The following CDH12 variants were observed in gnomAD, a reference collection of about 807,000 sequenced individuals.
CDH12 encodes cadherin-12.
In CDH12, 41 loss-of-function variants were observed where a neutral mutation model predicts 74.1. The observed-to-expected ratio is 0.55, with a 90% CI of 0.43 to 0.72. The LOEUF (loss-of-function observed/expected upper bound fraction) is 0.72, where lower values mean the gene tolerates loss of function less well. Among genes scored for constraint, CDH12 ranks in the 30% least tolerant of loss-of-function variants. The pLI is 0.00. For synonymous variants in CDH12, 399 were observed against 355.0 expected, an observed-to-expected ratio of 1.12 and a Z score of -1.39; for missense variants, 945 against 977.2, an observed-to-expected ratio of 0.97 and a Z score of 0.44.
chr5:22,398,581 T>G lies in CDH12; in HGVS notation c.-333+6676A>C, dbSNP rs111385583. 3.1e-3 allele frequency among the ~76,000 whole-genome samples: 466 copies of G among 152,254 alleles called. 6 individuals are homozygous for G. The highest frequency in any genetic ancestry group is 0.011 in the African/African-American group (449 of 41,564). ...CGCCCAAGCAATAGACATTGTCAAA[T>G]TATAATGATAGAACACGCATCCTCT... On this transcript the variant is annotated intron_variant, in intron 3 of 14. Coordinates refer to ENST00000382254, the MANE Select transcript of CDH12 (RefSeq NM_004061.5).
intron 3 of CDH12, among the ~76,000 whole-genome samples, chr5:22,321,266 T>C (rs1488453272): frequency 6.6e-6 from 1 of 150,504 alleles, no homozygotes; most frequent in African/African-American, 2.5e-5. Context: ...AATGATAGAC[T>C]GGATTAAGAA....
At chr5:22,384,580 ACCAAAACTAAT>A (rs1441772786) in intron 3 of CDH12, among the ~76,000 whole-genome samples, 18 of 151,676 alleles carry the variant, frequency 1.2e-4, no homozygotes, top group African/African-American at 4.1e-4. Context: ...TTTATCCATT[ACCAAAACTAAT>A]TCAGAAAAAA....
chr5:21,869,760 C>T (rs1255057930), intron 6 of CDH12, among the ~76,000 whole-genome samples: 1 of 151,968 alleles, frequency 6.6e-6, no homozygotes, highest in Non-Finnish European at 1.5e-5. Context: ...TTGCTATTGT[C>T]TTTATTTGGA....
At chr5:22,262,767 T>C (rs1753568175) in intron 3 of CDH12, among the ~76,000 whole-genome samples, 1 of 152,048 alleles carries the variant, frequency 6.6e-6, no homozygotes, top group Non-Finnish European at 1.5e-5. Context: ...CCACGTCCTC[T>C]CCAGCACCTG....
At chr5:22,692,823 TC>T (rs201651864) in intron 1 of CDH12, among the ~76,000 whole-genome samples, 15,527 of 151,928 alleles carry the variant, frequency 0.1, 1,051 homozygotes, top group Admixed American at 0.19. Flanking sequence ...CCTTTTTTTT[TC>T]CTGAATAAAC....
chr5:22,749,371 G>A (rs1354870235), intron 1 of CDH12, among the ~76,000 whole-genome samples: 1 of 152,184 alleles, frequency 6.6e-6, no homozygotes, highest in Non-Finnish European at 1.5e-5. Context: ...CTAAGGTGGG[G>A]CAACATTTTA....
chr5:22,398,491 AG>A (rs1215675926), intron 3 of CDH12, among the ~76,000 whole-genome samples: 2 of 152,142 alleles, frequency 1.3e-5, no homozygotes, highest in African/African-American at 4.8e-5. Flanking sequence ...GGAGATAATA[AG>A]ATGATTGGCA....
intron 6 of CDH12, among the ~76,000 whole-genome samples, chr5:21,941,147 A>G (rs1755312225): frequency 6.6e-6 from 1 of 152,174 alleles, no homozygotes; most frequent in African/African-American, 2.4e-5. Context: ...TACTAGAAGC[A>G]GCACTAATTT....
intron 1 of CDH12, among the ~76,000 whole-genome samples, chr5:22,618,222 C>T (rs1737786738): frequency 6.6e-6 from 1 of 152,098 alleles, no homozygotes; most frequent in Non-Finnish European, 1.5e-5. Flanking sequence ...ACACATGAAT[C>T]CACTGTGAGA....
At chr5:22,725,822 T>G (rs1029399838) in intron 1 of CDH12, among the ~76,000 whole-genome samples, 2 of 151,712 alleles carry the variant, frequency 1.3e-5, no homozygotes, top group African/African-American at 4.8e-5. Context: ...CACCAGAAAC[T>G]AAATTGAGGT....
chr5:21,794,890 T>C (rs1746696942), intron 10 of CDH12, among the ~76,000 whole-genome samples: 1 of 151,656 alleles, frequency 6.6e-6, no homozygotes, highest in Admixed American at 6.6e-5. Flanking sequence ...ATAACTCTAA[T>C]CAGCTTTTCT....
intron 6 of CDH12, among the ~76,000 whole-genome samples, chr5:21,969,774 C>G (rs866668203): frequency 3.3e-4 from 50 of 151,982 alleles, no homozygotes; most frequent in African/African-American, 1.2e-3. Context: ...TATATACAAC[C>G]TTTATCAAAT....
At chr5:22,369,429 C>T (rs1215585054) in intron 3 of CDH12, among the ~76,000 whole-genome samples, 1 of 151,960 alleles carries the variant, frequency 6.6e-6, no homozygotes, top group Non-Finnish European at 1.5e-5. Flanking sequence ...AGAAAACAGG[C>T]ATAAAAGTGT....
At chr5:22,603,167 A>T (rs1736930530) in intron 1 of CDH12, among the ~76,000 whole-genome samples, 1 of 152,206 alleles carries the variant, frequency 6.6e-6, no homozygotes, top group Non-Finnish European at 1.5e-5. Flanking sequence ...AACAGGGCAC[A>T]AGAAATACAG....
At chr5:22,274,076 C>T (rs1736518657) in intron 3 of CDH12, among the ~76,000 whole-genome samples, 1 of 152,072 alleles carries the variant, frequency 6.6e-6, no homozygotes, top group African/African-American at 2.4e-5. Flanking sequence ...TAACACCAGG[C>T]ACTGTGTTAT....
intron 4 of CDH12, among the ~76,000 whole-genome samples, chr5:22,157,503 T>C (rs955156679): frequency 1.1e-4 from 17 of 152,044 alleles, no homozygotes; most frequent in African/African-American, 4.1e-4. Context: ...CATTTGCAAA[T>C]ATGATCTCAA....
At chr5:21,913,269 G>A (rs1042058523) in intron 6 of CDH12, among the ~76,000 whole-genome samples, 2 of 152,078 alleles carry the variant, frequency 1.3e-5, no homozygotes, top group African/African-American at 4.8e-5. Flanking sequence ...TGGTTCTGAG[G>A]TCTTCATTTT....
chr5:22,321,603 C>A (rs1401344449), intron 3 of CDH12, among the ~76,000 whole-genome samples: 3 of 149,434 alleles, frequency 2.0e-5, no homozygotes, highest in Non-Finnish European at 3.0e-5. Context: ...ATGTAACTAA[C>A]CTGCACAATG....
At chr5:22,641,975 T>C (rs548095570) in intron 1 of CDH12, among the ~76,000 whole-genome samples, 12 of 152,288 alleles carry the variant, frequency 7.9e-5, no homozygotes, top group African/African-American at 2.9e-4. Context: ...TCCATTTTTG[T>C]AGGCCAAGCT....
Sources: allele counts gnomAD v4.1 joint callset (sites outside exome capture counted in the v4.1 genomes callset), GRCh38; gene constraint gnomAD v4.1.1; transcripts MANE v1.5; gene names NCBI Gene and HGNC (gene_info 2026-07-23, HGNC 2026-07-21).